The following ATG2A variants were observed in gnomAD, a reference collection of about 807,000 sequenced individuals.
ATG2A encodes the protein autophagy-related protein 2 homolog A.
In ATG2A, 103 loss-of-function variants were observed where a neutral mutation model predicts 214.2. The observed-to-expected ratio is 0.48, with a 90% CI of 0.41 to 0.57. The LOEUF is 0.57. ATG2A is among the 20% of genes least tolerant of loss of function. ATG2A has a pLI of 0.00. For synonymous variants in ATG2A, 1,160 were observed against 1,142.1 expected (o/e 1.02, Z -0.32); for missense variants, 2,312 against 2,613.2 (o/e 0.88, Z 2.51).
intron 9 of ATG2A, 122 bp downstream of exon 9, chr11:64,911,720 T>G (rs763045959): frequency 1.8e-5 from 25 of 1,390,618 alleles, no homozygotes; most frequent in Non-Finnish European, 2.4e-5. Context: ...GGGAACCAAG[T>G]CACAGATGGT....
chr11:64,906,705 GTAGCCAAGTCCT>G lies in ATG2A; in HGVS notation c.2931_2942del (p.Gly978_Tyr981del). 6.2e-7 allele frequency: 1 copy of G among 1,613,642 alleles called. No homozygotes were observed. Among genetic ancestry groups the G allele is most frequent in the Non-Finnish European group, 8.5e-7 (1 of 1,180,022 alleles). ...TTGCCTTTTCAGCTTCCAGACAGAAGTAGCCAAGTCCTGGCTGGCCACAGTACTGGGAGACGC... is the reference window on the plus strand; with the variant it reads ...TTGCCTTTTCAGCTTCCAGACAGAAGGGCTGGCCACAGTACTGGGAGACGC... On this transcript the variant is annotated inframe_deletion, in exon 20 of 41. Coordinates refer to ENST00000377264, the MANE Select transcript of ATG2A (RefSeq NM_015104.3).
chr11:64,906,482 G>T lies in ATG2A; in HGVS notation c.3035C>A (p.Ala1012Asp), dbSNP rs1449835822. 1 of 1,613,224 alleles carries T rather than the reference G, an allele frequency of 6.2e-7. No individual in the cohort carries two copies. Among genetic ancestry groups the T allele is most frequent in the African/African-American group, 1.3e-5 (1 of 74,922 alleles). ...LPSHLDLPSFAPPAQLAPTIY... is the reference protein window; with the variant it reads ...LPSHLDLPSFDPPAQLAPTIY... ...GGTTGGGGCCAGCTGAGCCGGGGGA[G>T]CGAAACTGGGAAGGTCCAGGTGACT... is the stretch of plus-strand genomic sequence containing the variant. Residue 1012 changes from alanine to aspartate, a missense_variant, in exon 21 of 41, where the codon GCT (alanine) becomes GAT (aspartate). Ala to Asp is a moderately radical substitution (Grantham distance 126). Transcript: ENST00000377264.
At chr11:64,896,385 A>G in intron 39 of ATG2A, 77 bp downstream of exon 39, 5 of 1,511,264 alleles carry the variant, frequency 3.3e-6, no homozygotes, top group Non-Finnish European at 4.5e-6. Context: ...AGCTTTGAGG[A>G]CAGAACCAGG....
rs535114848 is a variant in ATG2A, at chr11:64,907,244, G to A, written c.2832+11C>T. 3.4e-6 allele frequency: 5 copies of A among 1,491,722 alleles called. No individual in the cohort carries two copies. The highest frequency in any genetic ancestry group is 4.9e-5 in the Admixed American group (2 of 41,170). 92.4% of individuals were successfully genotyped at this position (1,491,722 alleles called of 1,614,324 possible). On this transcript the variant is annotated intron_variant, in intron 19 of 40. Coordinates refer to ENST00000377264, the MANE Select transcript of ATG2A (RefSeq NM_015104.3). ...GAAGTTTGGGGCCCGCCTGCCCGGG[G>A]CTGCACTCACCTTGGTCTCACAGAG...
In ATG2A at chr11:64,911,981, G is replaced by T; in HGVS notation, c.1089C>A (p.Asp363Glu). Residue 363 changes from aspartate to glutamate, a missense_variant and splice_region_variant, in exon 9 of 41, where the codon GAC (aspartate) becomes GAA (glutamate). Coordinates refer to ENST00000377264, the MANE Select transcript of ATG2A (RefSeq NM_015104.3). The stretch of plus-strand genomic sequence containing the variant: ...TGAGGCCAGCCATGGAGAAGAAGAG[G>T]TCTGTGGGTGAAGTGAGGAGTGTCA... The part of the protein sequence containing the change: ...TNPLLNLDNT[D>E]LFFSMAGLTS... 1.9e-6 allele frequency: 3 copies of T among 1,613,812 alleles called. No individual in the cohort carries two copies. The highest frequency in any genetic ancestry group is 2.5e-6 in the Non-Finnish European group (3 of 1,179,852).
chr11:64,901,745 C>G (rs1183965548), intron 29 of ATG2A, among the ~76,000 whole-genome samples: 1 of 152,114 alleles, frequency 6.6e-6, no homozygotes, highest in Non-Finnish European at 1.5e-5. Context: ...TCCTCTTCCT[C>G]TGGAAATCCC....
rs756061893 is a variant in ATG2A at position 64,898,709 on chromosome 11, G to A, written c.4598C>T (p.Ala1533Val). ...CAGGAACTTGTTGATCTGGGAGGAGGCGAGCCGGTCTCGGACCTCCAGCTC... is the reference window on the plus strand; with the variant it reads ...CAGGAACTTGTTGATCTGGGAGGAGACGAGCCGGTCTCGGACCTCCAGCTC... The part of the protein sequence containing the change: ...VQELEVRDRL[A>V]SSQINKFLYL... The change falls in exon 32 of 41, where the codon GCC becomes GTC. Residue 1533 changes from alanine to valine, a missense_variant. Physicochemically the swap from Ala to Val is moderately conservative, Grantham distance 64 (BLOSUM62 0). Coordinates refer to ENST00000377264, the MANE Select transcript of ATG2A (RefSeq NM_015104.3). This position sits in a 1 kb window ranked among gnomAD's most constrained non-coding sequence, Gnocchi z 4.5. The A allele has an allele frequency of 1.2e-6, 2 of 1,614,042 alleles. No homozygotes were observed. The highest frequency in any genetic ancestry group is 3.3e-5 in the Admixed American group (2 of 60,026).
In ATG2A at chr11:64,900,628, C is replaced by T; in HGVS notation, c.4330G>A (p.Ala1444Thr). The T allele has an allele frequency of 1.2e-6, 2 of 1,601,424 alleles. No homozygotes were observed. The highest frequency in any genetic ancestry group is 1.7e-6 in the Non-Finnish European group (2 of 1,173,492). The change falls in exon 31 of 41, where the codon GCA becomes ACA. Residue 1444 changes from alanine to threonine, a missense_variant and splice_region_variant. Ala to Thr is a moderately conservative substitution (Grantham distance 58). Transcript: ENST00000377264. ...RDFGPHPGHR[A>T]RTGLSGPRSS... ...CTGGGACCTGAGAGGCCAGTTCTTG[C>T]CCTGGGAAGAGGGACAGGGGCCAAG... is the stretch of plus-strand genomic sequence containing the variant.
In ATG2A at chr11:64,913,703, G is replaced by A. The variant is rs1414674513; in HGVS notation, c.590+118C>T. ...CCACCTCCCCAACCCTACCACCACC[G>A]AGGCCCATCCAGATCCACCCTGCCT... On this transcript the variant is annotated intron_variant, in intron 4 of 40. Coordinates refer to ENST00000377264, the MANE Select transcript of ATG2A (RefSeq NM_015104.3). The surrounding 1 kb of genome is among the most constrained non-coding windows in gnomAD (Gnocchi z 4.3). The A allele has an allele frequency of 1.2e-5, 13 of 1,053,924 alleles. No homozygotes were observed. Among genetic ancestry groups the A allele is most frequent in the South Asian group, 4.2e-5 (3 of 70,800 alleles). 65.3% of individuals were successfully genotyped at this position (1,053,924 alleles called of 1,614,324 possible). A position where few individuals can be genotyped will look rare whatever the true frequency, so the allele number is the denominator to read the frequency against.
rs1477244261 is a variant in ATG2A, at chr11:64,903,570, C to A, written c.3535+20G>T. ...GGTGGTCCCTCAGAGGGGAGGGAGCCCAGTCCCGGCCCTGCCCACCTCGCC... is the reference window on the plus strand; with the variant it reads ...GGTGGTCCCTCAGAGGGGAGGGAGCACAGTCCCGGCCCTGCCCACCTCGCC... On this transcript the variant is annotated intron_variant, in intron 25 of 40. Coordinates refer to ENST00000377264, the MANE Select transcript of ATG2A (RefSeq NM_015104.3). This position sits in a 1 kb window ranked among gnomAD's most constrained non-coding sequence, Gnocchi z 4.2. 3 of 1,539,116 alleles carry A rather than the reference C, an allele frequency of 1.9e-6. No homozygotes were observed. The highest frequency in any genetic ancestry group is 2.6e-6 in the Non-Finnish European group (3 of 1,139,510).
At chr11:64,896,699 T>G (rs925109437) in intron 38 of ATG2A, 49 bp downstream of exon 38, 3 of 1,609,000 alleles carry the variant, frequency 1.9e-6, no homozygotes, top group Non-Finnish European at 2.6e-6. Flanking sequence ...GCTTCTAGGT[T>G]GCCCAAGGGT....
rs940802739 is a variant in ATG2A at position 64,912,266 on chromosome 11, T to C, written c.923-17A>G. ...CCTCGTGGTCTGCAGGGGAGGAGACTTCAGTCTGGGCTGGCTGGCCCTCCC... is the reference window on the plus strand; with the variant it reads ...CCTCGTGGTCTGCAGGGGAGGAGACCTCAGTCTGGGCTGGCTGGCCCTCCC... On this transcript the variant is annotated splice_polypyrimidine_tract_variant and intron_variant, in intron 7 of 40. Coordinates refer to ENST00000377264, the MANE Select transcript of ATG2A (RefSeq NM_015104.3). 2 of 1,610,474 alleles carry C rather than the reference T, an allele frequency of 1.2e-6. No homozygotes were observed. The highest frequency in any genetic ancestry group is 1.7e-6 in the Non-Finnish European group (2 of 1,177,628).
In ATG2A at chr11:64,897,637, C is replaced by A. The variant is rs772207875; in HGVS notation, c.5067+34G>T. The A allele has an allele frequency of 3.1e-6, 5 of 1,613,870 alleles. No homozygotes were observed. In the African/African-American group the frequency reaches 6.7e-5, roughly 22 times the overall value. On this transcript the variant is annotated intron_variant, in intron 36 of 40. Transcript: ENST00000377264. ...CAGAGGGACTCAGCCACAGCTGACC[C>A]CACATGGCCACCCCATCCGACCGCC...
Position 64,898,881 on chromosome 11 carries a change from C to T in ATG2A, c.4465-39G>A. The T allele has an allele frequency of 6.3e-7, 1 of 1,580,090 alleles. No individual in the cohort carries two copies. The highest frequency in any genetic ancestry group is 8.6e-7 in the Non-Finnish European group (1 of 1,163,154). ...AGAGGCCTGGCCAGGTAAGCAGGGC[C>T]CCAAGAGGGAGGGAAGGGCTGGCCC... On this transcript the variant is annotated intron_variant, in intron 31 of 40. Transcript: ENST00000377264. This position sits in a 1 kb window ranked among gnomAD's most constrained non-coding sequence, Gnocchi z 4.5.
At chr11:64,909,458 G>A (rs186603621) in intron 14 of ATG2A, 91 bp from the exon 15 acceptor site, 1,267 of 1,429,718 alleles carry the variant, frequency 8.9e-4, no homozygotes, top group Non-Finnish European at 1.1e-3. Context: ...CTGTGCCCCC[G>A]ACTCCACACA....
Position 64,909,870 on chromosome 11 carries a change from G to A in ATG2A, c.1918C>T (p.Arg640Trp), listed in dbSNP as rs370489079. ...GGGAAGCGCAGCCGCAGCGTGGCCCGGGGTGCAGAGAGCCGAAATACCGTC... is the reference window on the plus strand; with the variant it reads ...GGGAAGCGCAGCCGCAGCGTGGCCCAGGGTGCAGAGAGCCGAAATACCGTC... ...QQTVFRLSAPRATLRLRFPIA... is the reference protein window; with the variant it reads ...QQTVFRLSAPWATLRLRFPIA... Residue 640 changes from arginine to tryptophan, a missense_variant, in exon 14 of 41, where the codon CGG (arginine) becomes TGG (tryptophan). By Grantham distance (101) the Arg-to-Trp change is moderately radical. Coordinates refer to ENST00000377264, the MANE Select transcript of ATG2A (RefSeq NM_015104.3). 1.6e-5 allele frequency: 26 copies of A among 1,608,842 alleles called. No homozygotes were observed. Among genetic ancestry groups the A allele is most frequent in the Non-Finnish European group, 2.0e-5 (24 of 1,178,652 alleles).
chr11:64,913,101 G>A lies in ATG2A; in HGVS notation c.762C>T (p.Ser254=), dbSNP rs768552428. Residue 254 remains serine, a synonymous_variant, in exon 6 of 41, where the codon AGC becomes AGT. Transcript: ENST00000377264. This position sits in a 1 kb window ranked among gnomAD's most constrained non-coding sequence, Gnocchi z 4.3. The part of the protein sequence containing the change: ...EPPEPPLQIG[S]CSGYMELMVK... ...CCATCAGCTCCATGTACCCTGAGCA[G>A]CTGCCGATCTGCAAGGGGGGCTCTG... The A allele has an allele frequency of 6.3e-7, 1 of 1,575,846 alleles. No individual in the cohort carries two copies. Among genetic ancestry groups the A allele is most frequent in the South Asian group, 1.2e-5 (1 of 86,664 alleles).
At chr11:64,907,109 G>A in intron 19 of ATG2A, 146 bp downstream of exon 19, 2 of 994,524 alleles carry the variant, frequency 2.0e-6, no homozygotes, top group African/African-American at 1.6e-5. Context: ...GTGACAGGGT[G>A]GGCAGGCTGG....
chr11:64,905,646 G>A lies in ATG2A; in HGVS notation c.3381C>T (p.Tyr1127=). ...FSCSVDYRPL[Y]LPVRVLITAE... Reference sequence around the variant, plus strand: ...CGGTGATGAGGACACGCACTGGGAGGTAGAGTGGCCTGGGGGTGATACTCG... The same window carrying A: ...CGGTGATGAGGACACGCACTGGGAGATAGAGTGGCCTGGGGGTGATACTCG... The change falls in exon 24 of 41, where the codon TAC becomes TAT. Residue 1127 remains tyrosine, a synonymous_variant. Coordinates refer to ENST00000377264, the MANE Select transcript of ATG2A (RefSeq NM_015104.3). The A allele has an allele frequency of 1.2e-6, 2 of 1,613,928 alleles. No individual in the cohort carries two copies. The highest frequency in any genetic ancestry group is 1.7e-6 in the Non-Finnish European group (2 of 1,179,934).
Sources: allele counts gnomAD v4.1 joint callset (sites outside exome capture counted in the v4.1 genomes callset), GRCh38; gene constraint gnomAD v4.1.1; non-coding constraint Gnocchi (gnomAD v3.1); transcripts MANE v1.5; gene names NCBI Gene and HGNC (gene_info 2026-07-23, HGNC 2026-07-21).